Variants in ADGRL2 observed in about 807,000 individuals in gnomAD.
ADGRL2 encodes the protein adhesion G protein-coupled receptor L2.
Under a neutral mutation model 157.4 loss-of-function variants are expected in ADGRL2, and 44 were observed. That is an observed-to-expected ratio of 0.28 (90% CI 0.22 to 0.36). ADGRL2 has a LOEUF of 0.36. ADGRL2 is among the 10% of genes least tolerant of loss of function. The pLI, the probability that ADGRL2 is intolerant of heterozygous loss-of-function variation, is 1.00. For synonymous variants in ADGRL2, 585 were observed against 624.7 expected, an observed-to-expected ratio of 0.94 and a Z score of 0.95; for missense variants, 1,510 against 1,768.9, an observed-to-expected ratio of 0.85 and a Z score of 2.63.
intron 1 of ADGRL2, among the ~76,000 whole-genome samples, chr1:81,815,803 C>T (rs964610460): frequency 6.6e-6 from 1 of 151,750 alleles, no homozygotes; most frequent in Admixed American, 6.6e-5. Context: ...TCTGACATTT[C>T]AGCTTGGAAA....
chr1:81,716,798 T>C (rs1158240997), intron 1 of ADGRL2, among the ~76,000 whole-genome samples: 4 of 152,166 alleles, frequency 2.6e-5, no homozygotes, highest in Non-Finnish European at 5.9e-5. Context: ...TTTGTGTGTG[T>C]GTGTTTTGTG....
In ADGRL2 at chr1:81,754,232, T is replaced by C. The variant is rs1029788052; in HGVS notation, c.-142-7579T>C. 2.7e-5 allele frequency among the ~76,000 whole-genome samples: 4 copies of C among 146,822 alleles called. No homozygotes were observed. The South Asian group carries it at 9.4e-4, about 35-fold the overall frequency. ...CCCTCCCTTCCTTCCTCTCTCTCTT[T>C]CTTTCTTTCTTTCAATAACACAGTG... On this transcript the variant is annotated intron_variant, in intron 1 of 20. Coordinates refer to the ADGRL2 transcript ENST00000359929.
intron 2 of ADGRL2, among the ~76,000 whole-genome samples, chr1:81,842,638 G>A (rs1437614793): frequency 1.3e-5 from 2 of 151,908 alleles, no homozygotes; most frequent in Non-Finnish European, 2.9e-5. Context: ...TTATATGCAT[G>A]AGACACCACA....
intron 3 of ADGRL2, among the ~76,000 whole-genome samples, chr1:81,608,916 G>T (rs79705772): frequency 6.6e-6 from 1 of 152,170 alleles, no homozygotes; most frequent in Non-Finnish European, 1.5e-5. Flanking sequence ...CGAGATCTCA[G>T]GCTCTGGTCA....
intron 3 of ADGRL2, among the ~76,000 whole-genome samples, chr1:81,589,101 G>A (rs1557486506): frequency 6.6e-6 from 1 of 152,120 alleles, no homozygotes; most frequent in Non-Finnish European, 1.5e-5. Flanking sequence ...GCTTTAAAGT[G>A]CACACTATAC....
At chr1:81,864,466 T>G (rs1227802692) in intron 2 of ADGRL2, among the ~76,000 whole-genome samples, 3 of 152,168 alleles carry the variant, frequency 2.0e-5, no homozygotes, top group African/African-American at 7.2e-5. Flanking sequence ...ATATTGCACC[T>G]AAGAATGAAT....
At chr1:81,973,309 G>A (rs1659291176) in intron 17 of ADGRL2, among the ~76,000 whole-genome samples, 1 of 152,086 alleles carries the variant, frequency 6.6e-6, no homozygotes, top group Non-Finnish European at 1.5e-5. Context: ...CCAAGTTTTT[G>A]TTCTTGGTGT....
chr1:81,501,432 G>A (rs965942214), intron 2 of ADGRL2, among the ~76,000 whole-genome samples: 1 of 152,188 alleles, frequency 6.6e-6, no homozygotes, highest in African/African-American at 2.4e-5. Flanking sequence ...TTTCTGCTTA[G>A]AGCTGCTGTG....
At chr1:81,904,973 T>C (rs1557881563) in intron 2 of ADGRL2, among the ~76,000 whole-genome samples, 1 of 152,136 alleles carries the variant, frequency 6.6e-6, no homozygotes, top group Non-Finnish European at 1.5e-5. Context: ...TACTTGAGTT[T>C]GATGGGAACA....
intron 1 of ADGRL2, 129 bp from the exon 2 acceptor site, chr1:81,836,756 A>G (rs2092305040): frequency 5.0e-6 from 2 of 400,926 alleles, no homozygotes; most frequent in Non-Finnish European, 8.8e-6. Context: ...GTATAGGAGC[A>G]GCTTCCATAG....
chr1:81,571,199 C>T (rs1414176367), intron 2 of ADGRL2, among the ~76,000 whole-genome samples: 1 of 151,582 alleles, frequency 6.6e-6, no homozygotes, highest in Non-Finnish European at 1.5e-5. Context: ...ATGGCAGGCA[C>T]CTATAATCCC....
chr1:81,374,989 T>C (rs1030803685), intron 1 of ADGRL2, among the ~76,000 whole-genome samples: 1 of 152,174 alleles, frequency 6.6e-6, no homozygotes, highest in African/African-American at 2.4e-5. Flanking sequence ...CTGGGTGAGA[T>C]ACCATGCCCA....
At chr1:81,502,922 G>T in intron 2 of ADGRL2, 1 of 1,612,460 alleles carries the variant, frequency 6.2e-7, no homozygotes, top group Non-Finnish European at 8.5e-7. Flanking sequence ...AGTAGCCCTC[G>T]AATATCCCCA....
intron 2 of ADGRL2, among the ~76,000 whole-genome samples, chr1:81,459,823 T>TATATACAAACACATAC (rs1557704546): frequency 2.7e-5 from 4 of 147,270 alleles, no homozygotes; most frequent in South Asian, 4.5e-4. Context: ...TATATATATA[T>TATATACAAACACATAC]ATATATATAC....
chr1:81,420,137 A>G (rs2077099986), intron 1 of ADGRL2, among the ~76,000 whole-genome samples: 1 of 152,224 alleles, frequency 6.6e-6, no homozygotes, highest in African/African-American at 2.4e-5. Context: ...CTCATCAGTA[A>G]TGCCAAAGTG....
intron 1 of ADGRL2, among the ~76,000 whole-genome samples, chr1:81,717,541 G>A (rs901559020): frequency 4.6e-5 from 7 of 152,164 alleles, no homozygotes; most frequent in Admixed American, 2.6e-4. Context: ...GAATAAAGAT[G>A]AGCATACATC....
At position 81,575,354 on chromosome 1, in the gene ADGRL2, G is replaced by A. The variant is rs1000135461; in HGVS notation, c.-247-5522G>A. On this transcript the variant is annotated intron_variant, in intron 2 of 24. Coordinates refer to the ADGRL2 transcript ENST00000370721. The stretch of plus-strand genomic sequence containing the variant: ...ATTTTTTAATTTAAATTCACGGAAA[G>A]GTTAAAAAGCAGTAGTTTTTACTAT... Among the ~76,000 whole-genome samples, 6 of 152,012 alleles carry A rather than the reference G, an allele frequency of 3.9e-5. No homozygotes were observed. The South Asian group carries it at 6.2e-4, about 16-fold the overall frequency.
intron 2 of ADGRL2, among the ~76,000 whole-genome samples, chr1:81,481,578 C>T (rs910229062): frequency 2.6e-5 from 4 of 152,246 alleles, no homozygotes; most frequent in African/African-American, 9.6e-5. Flanking sequence ...AGTCGTGTTT[C>T]GTTAATCTGG....
intron 1 of ADGRL2, among the ~76,000 whole-genome samples, chr1:81,802,350 G>C (rs1010068353): frequency 3.3e-5 from 5 of 152,020 alleles, no homozygotes; most frequent in African/African-American, 1.2e-4. Context: ...AATGGGGCTC[G>C]GCTGTTGCTG....
Sources: gnomAD v4.1 joint callset for allele counts (sites outside exome capture counted in the v4.1 genomes callset) on GRCh38, gnomAD v4.1.1 for gene constraint, MANE v1.5 for transcripts, NCBI Gene and HGNC (gene_info 2026-07-23, HGNC 2026-07-21) for gene names.